The following KIAA1671 variants were observed in gnomAD, a reference collection of about 807,000 sequenced individuals.
KIAA1671 encodes KIAA1671, also known as uncharacterized protein KIAA1671.
A neutral mutation model predicts 131.2 loss-of-function variants in KIAA1671; 52 were observed. The observed-to-expected ratio is 0.40, with a 90% CI of 0.32 to 0.50. The LOEUF is 0.50. Ranked by LOEUF, KIAA1671 falls within the 20% of genes least tolerant of loss-of-function variation. The pLI, the probability that KIAA1671 is intolerant of heterozygous loss-of-function variation, is 0.73. For missense variants in KIAA1671, 2,360 were observed against 2,364.2 expected (o/e 1.00, Z 0.04); for synonymous variants, 1,003 against 961.6 (o/e 1.04, Z -0.80).
At chr22:25,024,585 T>C (rs1925836322) in intron 1 of KIAA1671, 1 of 152,240 alleles carries the variant, frequency 6.6e-6, no homozygotes, top group African/African-American at 2.4e-5. Context: ...ACTCATCTTA[T>C]GTCCCAGATT....
chr22:25,162,092 C>T (rs905840243), intron 6 of KIAA1671, among the ~76,000 whole-genome samples: 1 of 152,216 alleles, frequency 6.6e-6, no homozygotes, highest in Non-Finnish European at 1.5e-5. Flanking sequence ...GTCTCCTCCT[C>T]TGTGAAATGG....
chr22:25,093,737 A>ACACTCTCT (rs1568950992), intron 6 of KIAA1671, among the ~76,000 whole-genome samples: 10 of 30,144 alleles, frequency 3.3e-4, no homozygotes, highest in Non-Finnish European at 4.6e-4. Context: ...ACACACACAC[A>ACACTCTCT]CTCTCTCTCT....
intron 1 of KIAA1671, among the ~76,000 whole-genome samples, chr22:24,976,842 G>GGGGACCTGCCAGTCGTGAGT (rs1810433240): frequency 6.6e-6 from 1 of 151,642 alleles, no homozygotes; most frequent in African/African-American, 2.4e-5. Flanking sequence ...CTGGCTTCCC[G>GGGGACCTGCCAGTCGTGAGT]GGGACCTGCC....
intron 6 of KIAA1671, among the ~76,000 whole-genome samples, chr22:25,145,485 A>C (rs151089242): frequency 3.9e-5 from 6 of 152,294 alleles, no homozygotes; most frequent in Admixed American, 3.9e-4. Context: ...ATTGGGGAAG[A>C]CTGGGCCTGG....
At chr22:25,001,330 T>A (rs1924471969) in intron 1 of KIAA1671, among the ~76,000 whole-genome samples, 1 of 152,184 alleles carries the variant, frequency 6.6e-6, no homozygotes, top group Admixed American at 6.6e-5. Flanking sequence ...ATGATTTGCT[T>A]ATATCATTCT....
In KIAA1671 at chr22:25,038,824, T is replaced by G. The variant is rs1391347032; in HGVS notation, c.1694T>G (p.Leu565Arg). ...IPRSPWKPGT[L>R]RDKSRQTEQK... Reference sequence around the variant, plus strand: ...AGAAGCCCCTGGAAGCCTGGGACACTCCGGGATAAGTCCAGGCAGACGGAG... The same window carrying G: ...AGAAGCCCCTGGAAGCCTGGGACACGCCGGGATAAGTCCAGGCAGACGGAG... The change falls in exon 5 of 13, where the codon CTC becomes CGC. Residue 565 changes from leucine (L) to arginine (R), a missense_variant. Transcript: ENST00000358431. 1.0e-5 allele frequency: 16 copies of G among 1,551,658 alleles called. No homozygotes were observed. Among genetic ancestry groups the G allele is most frequent in the Non-Finnish European group, 1.4e-5 (16 of 1,146,996 alleles).
At chr22:25,059,932 G>A (rs1006710874) in intron 6 of KIAA1671, 54 of 152,288 alleles carry the variant, frequency 3.5e-4, no homozygotes, top group African/African-American at 1.3e-3. Context: ...CCCTGATCTG[G>A]GGATTCCTAA....
At chr22:24,979,845 G>A (rs73395635) in intron 1 of KIAA1671, among the ~76,000 whole-genome samples, 5,700 of 152,124 alleles carry the variant, frequency 0.037, 349 homozygotes, top group African/African-American at 0.13. Flanking sequence ...CTATGAATTT[G>A]ACTACTTTAG....
chr22:25,057,108 C>G (rs1927881765), intron 6 of KIAA1671: 1 of 152,402 alleles, frequency 6.6e-6, no homozygotes, highest in Admixed American at 6.5e-5. Flanking sequence ...TTAAGAGATT[C>G]TGAACCTGAG....
chr22:24,984,819 C>T (rs1422796195), intron 1 of KIAA1671, among the ~76,000 whole-genome samples: 1 of 145,592 alleles, frequency 6.9e-6, no homozygotes, highest in African/African-American at 2.6e-5. Flanking sequence ...GAAGCTGAGG[C>T]AGGAGAATTG....
At chr22:25,149,662 G>T (rs570290410) in intron 6 of KIAA1671, among the ~76,000 whole-genome samples, 1 of 152,056 alleles carries the variant, frequency 6.6e-6, no homozygotes, top group Non-Finnish European at 1.5e-5. Context: ...CCTGCCTTGG[G>T]TCAGGCCTCT....
At chr22:25,018,736 T>C (rs1437093220) in intron 1 of KIAA1671, among the ~76,000 whole-genome samples, 2 of 152,232 alleles carry the variant, frequency 1.3e-5, no homozygotes, top group Non-Finnish European at 2.9e-5. Flanking sequence ...TATTGTAGAA[T>C]TTCCTTCCTT....
At chr22:25,073,857 C>G (rs938837372) in intron 6 of KIAA1671, among the ~76,000 whole-genome samples, 29 of 152,278 alleles carry the variant, frequency 1.9e-4, no homozygotes, top group Admixed American at 5.2e-4. Context: ...CCATGCCTGG[C>G]TAATTTTTGT....
intron 9 of KIAA1671, among the ~76,000 whole-genome samples, chr22:25,181,144 A>T (rs531526233): frequency 6.6e-6 from 1 of 152,028 alleles, no homozygotes; most frequent in Non-Finnish European, 1.5e-5. Flanking sequence ...AACTCCTCCC[A>T]TATCACTCCT....
At chr22:24,956,737 T>G (rs985876167) in intron 1 of KIAA1671, among the ~76,000 whole-genome samples, 1 of 151,994 alleles carries the variant, frequency 6.6e-6, no homozygotes, top group African/African-American at 2.4e-5. Context: ...CCGGGCGTGG[T>G]GGCGGGTGCC....
intron 6 of KIAA1671, among the ~76,000 whole-genome samples, chr22:25,090,239 C>T (rs967988758): frequency 4.6e-5 from 7 of 152,188 alleles, no homozygotes; most frequent in African/African-American, 1.7e-4. Flanking sequence ...CTATGCCGGT[C>T]GAGAGACCGT....
intron 1 of KIAA1671, among the ~76,000 whole-genome samples, chr22:24,968,614 A>C (rs1922428161): frequency 6.6e-6 from 1 of 152,024 alleles, no homozygotes; most frequent in African/African-American, 2.4e-5. Context: ...CACTGGGACA[A>C]ATGGAGTGTC....
intron 6 of KIAA1671, among the ~76,000 whole-genome samples, chr22:25,164,945 C>T (rs1177334127): frequency 1.4e-4 from 6 of 44,172 alleles, no homozygotes; most frequent in Non-Finnish European, 2.3e-4. Flanking sequence ...GAGACTGTCT[C>T]GGGAAAAAAA....
chr22:25,033,181 T>C (rs1285892309), intron 4 of KIAA1671, among the ~76,000 whole-genome samples: 1 of 151,888 alleles, frequency 6.6e-6, no homozygotes, highest in Non-Finnish European at 1.5e-5. Context: ...AGCCCAAGAG[T>C]TTGAGACCAG....
Sources: gnomAD v4.1 joint callset for allele counts (sites outside exome capture counted in the v4.1 genomes callset) on GRCh38, gnomAD v4.1.1 for gene constraint, MANE v1.5 for transcripts, NCBI Gene and HGNC (gene_info 2026-07-23, HGNC 2026-07-21) for gene names.